Variants in LDB1 observed in about 807,000 individuals in gnomAD.
LDB1 encodes LIM domain binding 1.
A neutral mutation model predicts 49.7 loss-of-function variants in LDB1; 6 were observed. That is an observed-to-expected ratio of 0.12 (90% CI 0.07 to 0.24). LDB1 has a LOEUF of 0.24. Ranked by LOEUF, LDB1 falls within the 10% of genes least tolerant of loss-of-function variation. LDB1 has a pLI of 1.00. For missense variants in LDB1, 341 were observed against 561.7 expected (o/e 0.61, Z 3.97); for synonymous variants, 233 against 202.0 (o/e 1.15, Z -1.30).
chr10:102,120,382 T>TGTGTGCGC (rs757881780), upstream of LDB1: 147 of 983,246 alleles, frequency 1.5e-4, no homozygotes, highest in Non-Finnish European at 1.7e-4. Context: ...CGTGTGTGCG[T>TGTGTGCGC]GTGTGCGCGT....
downstream of LDB1, among the ~76,000 whole-genome samples, chr10:102,105,294 T>C (rs1168612287): frequency 6.6e-6 from 1 of 152,126 alleles, no homozygotes. Flanking sequence ...CTTGGGGTCC[T>C]GAGGCACTGG....
chr10:102,115,201 G>A (rs1003570512), intron 1 of LDB1, among the ~76,000 whole-genome samples: 1 of 152,012 alleles, frequency 6.6e-6, no homozygotes, highest in Non-Finnish European at 1.5e-5. Flanking sequence ...AGAGGCCTGT[G>A]GGGGCCAGGA....
At chr10:102,111,177 G>T in intron 3 of LDB1, 33 bp from the exon 4 acceptor site, 5 of 1,611,782 alleles carry the variant, frequency 3.1e-6, no homozygotes, top group Non-Finnish European at 3.4e-6. Flanking sequence ...GTCAGTAGGA[G>T]CGGAGCCTGC....
At chr10:102,111,005 T>A (rs749420120) in intron 4 of LDB1, 34 bp from the exon 5 acceptor site, 1 of 1,611,678 alleles carries the variant, frequency 6.2e-7, no homozygotes, top group Non-Finnish European at 8.5e-7. Context: ...TCATGTGTCA[T>A]AAGATATCCC....
chr10:102,116,802 A>G (rs1306180015), intron 1 of LDB1, among the ~76,000 whole-genome samples: 1 of 152,130 alleles, frequency 6.6e-6, no homozygotes, highest in Non-Finnish European at 1.5e-5. Context: ...TGCAACATAC[A>G]GCCTATCACC....
At chr10:102,106,276 T>C (rs553116645), downstream of LDB1, among the ~76,000 whole-genome samples, 18 of 151,632 alleles carry the variant, frequency 1.2e-4, no homozygotes, top group South Asian at 3.7e-3. Context: ...CCCTCAACTT[T>C]TGAGGGAGAT....
At chr10:102,110,755 C>G (rs1369524207) in intron 5 of LDB1, 54 bp from the exon 6 acceptor site, 1 of 1,587,134 alleles carries the variant, frequency 6.3e-7, no homozygotes, top group East Asian at 2.2e-5. Context: ...AGGGGCCAGG[C>G]AGATGCCTCC....
chr10:102,119,302 C>T (rs1387732701), intron 1 of LDB1, among the ~76,000 whole-genome samples: 1 of 151,694 alleles, frequency 6.6e-6, no homozygotes, highest in Non-Finnish European at 1.5e-5. Flanking sequence ...CCCTCCGCCC[C>T]CCCCACCTGC....
At chr10:102,114,753 C>T (rs1401009943) in intron 1 of LDB1, 5 of 795,702 alleles carry the variant, frequency 6.3e-6, no homozygotes, top group Non-Finnish European at 7.6e-6. Context: ...TTTCCTCTCT[C>T]CTCCTCCTCC....
chr10:102,107,092 C>A lies in LDB1; in HGVS notation c.*1001G>T, dbSNP rs2068173636. 6.6e-6 allele frequency among the ~76,000 whole-genome samples: 1 copy of A among 152,146 alleles called. No homozygotes were observed. The highest frequency in any genetic ancestry group is 2.4e-5 in the African/African-American group (1 of 41,418). On this transcript the variant is annotated 3_prime_UTR_variant, in exon 11 of 11. Coordinates refer to ENST00000673968, the MANE Select transcript of LDB1 (RefSeq NM_001113407.3). Reference sequence around the variant, plus strand: ...CCTCTCCCATCCCATGCCTGCCCAACTGAAACAAAACCAAAAATACAGCAA... The same window carrying A: ...CCTCTCCCATCCCATGCCTGCCCAAATGAAACAAAACCAAAAATACAGCAA...
Position 102,110,576 on chromosome 10 carries a change from C to G in LDB1, c.478G>C (p.Asp160His), listed in dbSNP as rs2068236933. Reference sequence around the variant, plus strand: ...TGCTGGGTCACCATGCTGCCCTGGTCACAGTCGAGGGACACAAAGTTGCTG... The same window carrying G: ...TGCTGGGTCACCATGCTGCCCTGGTGACAGTCGAGGGACACAAAGTTGCTG... Reference protein sequence around the residue: ...FHSNFVSLDCDQGSMVTQHGK... With the variant: ...FHSNFVSLDCHQGSMVTQHGK... The change falls in exon 6 of 11, where the codon GAC becomes CAC. Residue 160 changes from aspartate to histidine, a missense_variant. By Grantham distance (81) the Asp-to-His change is moderately conservative. Coordinates refer to ENST00000673968, the MANE Select transcript of LDB1 (RefSeq NM_001113407.3). The G allele has an allele frequency of 6.2e-7, 1 of 1,613,862 alleles. No homozygotes were observed. Among genetic ancestry groups the G allele is most frequent in the Admixed American group, 1.7e-5 (1 of 59,964 alleles).
intron 1 of LDB1, among the ~76,000 whole-genome samples, chr10:102,113,850 G>T (rs1374529402): frequency 1.3e-5 from 2 of 152,014 alleles, no homozygotes; most frequent in Non-Finnish European, 2.9e-5. Flanking sequence ...TAGCTCTGAG[G>T]AGCTAGAGCC....
In LDB1 at chr10:102,117,969, G is replaced by A. The variant is rs1041654108; in HGVS notation, c.25+2117C>T. ...CATGTGCTGTCTCTGCCGGGCTGGG[G>A]GAGGAGGAGGAGCCCGGAGACAGCA... is the stretch of plus-strand genomic sequence containing the variant. On this transcript the variant is annotated intron_variant, in intron 1 of 10. Coordinates refer to ENST00000673968, the MANE Select transcript of LDB1 (RefSeq NM_001113407.3). The surrounding 1 kb of genome is among the most constrained non-coding windows in gnomAD (Gnocchi z 4.2). Among the ~76,000 whole-genome samples the A allele has an allele frequency of 6.6e-6, 1 of 152,124 alleles. No individual in the cohort carries two copies.
At chr10:102,111,622 G>A (rs2068255995) in intron 1 of LDB1, 86 bp from the exon 2 acceptor site, 3 of 734,890 alleles carry the variant, frequency 4.1e-6, no homozygotes, top group Non-Finnish European at 6.6e-6. Flanking sequence ...CAAGAAGATT[G>A]ATTGAGCACA....
At chr10:102,112,666 T>C (rs577869501) in intron 1 of LDB1, among the ~76,000 whole-genome samples, 4 of 142,218 alleles carry the variant, frequency 2.8e-5, no homozygotes, top group Admixed American at 1.4e-4. Flanking sequence ...ACCCCTTTTC[T>C]CTTCTGAGAC....
At chr10:102,121,305 C>T (rs2068418206), upstream of LDB1, among the ~76,000 whole-genome samples, 1 of 152,150 alleles carries the variant, frequency 6.6e-6, no homozygotes. Context: ...CCAACCCCAC[C>T]GCCTCCGACC....
chr10:102,110,761 C>T (rs2068240584), intron 5 of LDB1, 60 bp from the exon 6 acceptor site: 7 of 1,581,024 alleles, frequency 4.4e-6, no homozygotes, highest in Non-Finnish European at 6.1e-6. Flanking sequence ...CAGGCAGATG[C>T]CTCCCCTACC....
upstream of LDB1, among the ~76,000 whole-genome samples, chr10:102,121,009 C>T (rs182460740): frequency 2.6e-5 from 4 of 152,178 alleles, no homozygotes; most frequent in Admixed American, 6.5e-5. Flanking sequence ...GTAGCAACCC[C>T]TCAACTCACC....
Position 102,109,819 on chromosome 10 carries a change from C to A in LDB1, c.648+102G>T. The A allele has an allele frequency of 6.4e-7, 1 of 1,568,826 alleles. No homozygotes were observed. The highest frequency in any genetic ancestry group is 1.8e-4 in the Middle Eastern group (1 of 5,540). On this transcript the variant is annotated intron_variant, in intron 7 of 10. Coordinates refer to ENST00000673968, the MANE Select transcript of LDB1 (RefSeq NM_001113407.3). This position sits in a 1 kb window ranked among gnomAD's most constrained non-coding sequence, Gnocchi z 5.8. ...AACCTGCTGTTCAGATGAAGAAACC[C>A]TAACCCTCTGTCTAAGTAGTCAGTC... is the stretch of plus-strand genomic sequence containing the variant.
Sources: allele counts gnomAD v4.1 joint callset (sites outside exome capture counted in the v4.1 genomes callset), GRCh38; gene constraint gnomAD v4.1.1; non-coding constraint Gnocchi (gnomAD v3.1); transcripts MANE v1.5; gene names NCBI Gene and HGNC (gene_info 2026-07-23, HGNC 2026-07-21).